MDFIC2: variants seen among roughly 807,000 people sequenced by gnomAD.
The protein encoded by MDFIC2 is MyoD family inhibitor domain containing 2.
chr3:70,289,444 G>A lies in MDFIC2; in HGVS notation c.88+22442C>T, dbSNP rs1229225147. Among the ~76,000 whole-genome samples the A allele has an allele frequency of 2.1e-3, 319 of 148,992 alleles. 1 individual carries two copies. Among genetic ancestry groups the A allele is most frequent in the Non-Finnish European group, 3.7e-3 (245 of 66,976 alleles). On this transcript the variant is annotated intron_variant, in intron 2 of 3. Coordinates refer to ENST00000567252, the MANE Select transcript of MDFIC2 (RefSeq NM_001364677.1). ...CGAGAGATCCGCTGTTAGTCTGATG[G>A]GCTTCCCTTTGAGGGTAACCCAACC...
chr3:70,264,742 G>A (rs1196481798), intron 2 of MDFIC2, among the ~76,000 whole-genome samples: 2 of 152,200 alleles, frequency 1.3e-5, no homozygotes, highest in African/African-American at 4.8e-5. Context: ...ATTAAACAGG[G>A]AATAATAGCA....
At chr3:70,240,521 T>C (rs1701657185) in intron 2 of MDFIC2, among the ~76,000 whole-genome samples, 1 of 152,150 alleles carries the variant, frequency 6.6e-6, no homozygotes, top group Non-Finnish European at 1.5e-5. Context: ...CTTCTTACTG[T>C]GAAAATCCTT....
intron 2 of MDFIC2, among the ~76,000 whole-genome samples, chr3:70,262,160 C>T (rs992486192): frequency 1.3e-5 from 2 of 152,150 alleles, no homozygotes; most frequent in South Asian, 4.1e-4. Context: ...GGTAACAATA[C>T]TTTCAATAGA....
rs1490474094 is a variant in MDFIC2 at position 70,298,525 on chromosome 3, A to AC, written c.88+13360dup. 5.3e-5 allele frequency among the ~76,000 whole-genome samples: 8 copies of AC among 152,284 alleles called. No individual in the cohort carries two copies. The South Asian group carries it at 1.7e-3, about 32-fold the overall frequency. On this transcript the variant is annotated intron_variant, in intron 2 of 3. Transcript: ENST00000567252. ...ATTACTAAGTTGTAATTCATTTTGA[A>AC]CTATTTAATCACTGTGATCTACAGA...
chr3:70,255,762 G>C (rs966719925), intron 2 of MDFIC2, among the ~76,000 whole-genome samples: 2 of 152,138 alleles, frequency 1.3e-5, no homozygotes, highest in Non-Finnish European at 2.9e-5. Flanking sequence ...CAGCCAGGGG[G>C]CTATTTTTCA....
chr3:70,290,599 T>G (rs1702226282), intron 2 of MDFIC2, among the ~76,000 whole-genome samples: 1 of 152,196 alleles, frequency 6.6e-6, no homozygotes, highest in Non-Finnish European at 1.5e-5. Context: ...CAGTTCGAGT[T>G]TCCGGGCTGT....
chr3:70,240,355 C>T (rs1003271661), intron 2 of MDFIC2, among the ~76,000 whole-genome samples: 3 of 151,732 alleles, frequency 2.0e-5, no homozygotes, highest in Admixed American at 1.3e-4. Flanking sequence ...TTTAATCTCT[C>T]CACTTGTGTT....
intron 2 of MDFIC2, among the ~76,000 whole-genome samples, chr3:70,276,498 C>T (rs776911351): frequency 8.6e-5 from 13 of 152,014 alleles, no homozygotes; most frequent in South Asian, 2.1e-4. Flanking sequence ...GTGAATTATA[C>T]GAAATTTTAA....
chr3:70,210,932 T>G (rs1292944390), intron 2 of MDFIC2, among the ~76,000 whole-genome samples: 1 of 152,094 alleles, frequency 6.6e-6, no homozygotes, highest in Non-Finnish European at 1.5e-5. Context: ...CAATTAACAT[T>G]TATTGAGTAC....
chr3:70,233,356 C>G (rs1371912906), intron 2 of MDFIC2, among the ~76,000 whole-genome samples: 1 of 152,156 alleles, frequency 6.6e-6, no homozygotes, highest in African/African-American at 2.4e-5. Flanking sequence ...GGAATAATGA[C>G]CTGTGACAGT....
At chr3:70,267,367 T>A (rs974065694) in intron 2 of MDFIC2, among the ~76,000 whole-genome samples, 4 of 149,822 alleles carry the variant, frequency 2.7e-5, no homozygotes, top group African/African-American at 9.8e-5. Flanking sequence ...TAGACTCTAC[T>A]CTCTTGTACA....
chr3:70,263,718 A>C (rs1701889306), intron 2 of MDFIC2, among the ~76,000 whole-genome samples: 1 of 152,104 alleles, frequency 6.6e-6, no homozygotes, highest in Non-Finnish European at 1.5e-5. Context: ...CTGCCCTATA[A>C]ATTTCTATCC....
rs922624190 is a variant in MDFIC2 at position 70,195,214 on chromosome 3, AT to A, written c.*1711del. Among the ~76,000 whole-genome samples the A allele has an allele frequency of 1.3e-4, 19 of 151,180 alleles. No homozygotes were observed. The highest frequency in any genetic ancestry group is 2.1e-4 in the Non-Finnish European group (14 of 67,744). The stretch of plus-strand genomic sequence containing the variant: ...TGTTCCCTTCCTGTTCTAGGAATCT[AT>A]TTTTTTTTCTTCTAATGATCTACAA... On this transcript the variant is annotated 3_prime_UTR_variant, in exon 4 of 4. Transcript: ENST00000567252.
At chr3:70,295,463 G>C (rs1265058099) in intron 2 of MDFIC2, among the ~76,000 whole-genome samples, 2 of 152,046 alleles carry the variant, frequency 1.3e-5, no homozygotes, top group African/African-American at 4.8e-5. Context: ...TAGCACTTTG[G>C]GAGGCCGAGT....
intron 2 of MDFIC2, among the ~76,000 whole-genome samples, chr3:70,259,175 T>A (rs2106659786): frequency 6.6e-6 from 1 of 152,270 alleles, no homozygotes; most frequent in South Asian, 2.1e-4. Flanking sequence ...TTTTTCCAGT[T>A]ACAACCTGAG....
chr3:70,271,036 TA>T (rs1185850125), intron 2 of MDFIC2, among the ~76,000 whole-genome samples: 1 of 151,702 alleles, frequency 6.6e-6, no homozygotes, highest in Non-Finnish European at 1.5e-5. Flanking sequence ...AGTATAATAA[TA>T]AAAAAGAAAT....
intron 2 of MDFIC2, among the ~76,000 whole-genome samples, chr3:70,274,870 T>C: frequency 6.6e-6 from 1 of 152,234 alleles, no homozygotes; most frequent in East Asian, 1.9e-4. Context: ...AATGTCCTAC[T>C]ATTCTTTCTG....
chr3:70,311,269 TA>T (rs1702451267), intron 2 of MDFIC2, among the ~76,000 whole-genome samples: 1 of 152,184 alleles, frequency 6.6e-6, no homozygotes, highest in South Asian at 2.1e-4. Context: ...AAAGTGATCA[TA>T]AAATCAAAAA....
intron 2 of MDFIC2, among the ~76,000 whole-genome samples, chr3:70,266,461 C>T (rs1012572778): frequency 2.6e-5 from 4 of 151,978 alleles, no homozygotes; most frequent in Non-Finnish European, 5.9e-5. Context: ...ATTTCTGTCA[C>T]CCAGGCTGGA....
Sources: gnomAD v4.1 joint callset for allele counts (sites outside exome capture counted in the v4.1 genomes callset) on GRCh38, gnomAD v4.1.1 for gene constraint, MANE v1.5 for transcripts, NCBI Gene and HGNC (gene_info 2026-07-23, HGNC 2026-07-21) for gene names.